The following DIS3L2 variants were observed in gnomAD, a reference collection of about 807,000 sequenced individuals.
The protein encoded by DIS3L2 is DIS3-like exonuclease 2.
A neutral mutation model predicts 97.5 loss-of-function variants in DIS3L2; 34 were observed. The observed-to-expected ratio is 0.35, with a 90% CI of 0.27 to 0.46. The LOEUF (loss-of-function observed/expected upper bound fraction) is 0.46. Among genes scored for constraint, DIS3L2 ranks in the 20% least tolerant of loss-of-function variants. The probability of loss-of-function intolerance (pLI) is 1.00; values close to 1 mark genes in which losing one functional copy is unlikely to be tolerated. For synonymous variants in DIS3L2, 435 were observed against 445.2 expected, an observed-to-expected ratio of 0.98 and a Z score of 0.29; for missense variants, 1,038 against 1,146.0, an observed-to-expected ratio of 0.91 and a Z score of 1.36.
chr2:232,073,177 G>T (rs1696086374), intron 5 of DIS3L2, among the ~76,000 whole-genome samples: 1 of 152,098 alleles, frequency 6.6e-6, no homozygotes, highest in Non-Finnish European at 1.5e-5. Context: ...ATTATCCTTT[G>T]TCCCGAGTGT....
At chr2:232,309,722 A>G (rs1695075651) in intron 14 of DIS3L2, among the ~76,000 whole-genome samples, 1 of 152,198 alleles carries the variant, frequency 6.6e-6, no homozygotes, top group South Asian at 2.1e-4. Context: ...CTGCTGGAGG[A>G]TCCTCACATC....
At chr2:231,968,595 TTAA>T (rs2106214666) in intron 1 of DIS3L2, among the ~76,000 whole-genome samples, 1 of 152,384 alleles carries the variant, frequency 6.6e-6, no homozygotes, top group Non-Finnish European at 1.5e-5. Context: ...CCTCAGTTTA[TTAA>T]TACATTTACC....
chr2:232,221,401 G>A (rs757389533), intron 10 of DIS3L2, among the ~76,000 whole-genome samples: 7 of 152,114 alleles, frequency 4.6e-5, no homozygotes, highest in African/African-American at 7.2e-5. Flanking sequence ...TTTCAGGAAG[G>A]GCATCCTTTT....
intron 6 of DIS3L2, among the ~76,000 whole-genome samples, chr2:232,110,124 A>G (rs1574882743): frequency 6.6e-6 from 1 of 152,362 alleles, no homozygotes; most frequent in South Asian, 2.1e-4. Flanking sequence ...TAATCATTAG[A>G]GAAATACAAA....
At chr2:232,342,544 T>A (rs896616895) in intron 13 of DIS3L2, among the ~76,000 whole-genome samples, 7 of 152,236 alleles carry the variant, frequency 4.6e-5, no homozygotes, top group African/African-American at 1.7e-4. Flanking sequence ...AATGTATTCA[T>A]GCTAATAGCA....
intron 1 of DIS3L2, among the ~76,000 whole-genome samples, chr2:231,988,615 C>G (rs971796896): frequency 6.6e-6 from 1 of 152,142 alleles, no homozygotes; most frequent in Non-Finnish European, 1.5e-5. Flanking sequence ...CAGGAGTGTT[C>G]TCCAAGACAT....
In DIS3L2 at chr2:232,276,847, C is replaced by T. The variant is rs1483153129; in HGVS notation, c.1659+13407C>T. On this transcript the variant is annotated intron_variant, in intron 13 of 20. Coordinates refer to ENST00000325385, the MANE Select transcript of DIS3L2 (RefSeq NM_152383.5). This position sits in a 1 kb window ranked among gnomAD's most constrained non-coding sequence, Gnocchi z 4.4. Reference sequence around the variant, plus strand: ...GGAATATTAGGTTAGATGAGATGTACCCGTAAAACACTTGGAACAGTGCCT... The same window carrying T: ...GGAATATTAGGTTAGATGAGATGTATCCGTAAAACACTTGGAACAGTGCCT... Among the ~76,000 whole-genome samples, 1 of 152,148 alleles carries T rather than the reference C, an allele frequency of 6.6e-6. No homozygotes were observed. The highest frequency in any genetic ancestry group is 1.5e-5 in the Non-Finnish European group (1 of 68,038).
chr2:232,045,758 T>A (rs965123327), intron 5 of DIS3L2, among the ~76,000 whole-genome samples: 1 of 134,542 alleles, frequency 7.4e-6, no homozygotes, highest in Non-Finnish European at 1.5e-5. Context: ...CACTGCAACC[T>A]CCACCTCCTG....
intron 14 of DIS3L2, among the ~76,000 whole-genome samples, chr2:232,310,147 G>C (rs971544373): frequency 1.3e-5 from 2 of 152,222 alleles, no homozygotes; most frequent in Non-Finnish European, 2.9e-5. Flanking sequence ...AGAGCCTCCA[G>C]GCCTCCCAGA....
intron 8 of DIS3L2, among the ~76,000 whole-genome samples, chr2:232,144,800 CT>C (rs1690171228): frequency 6.6e-6 from 1 of 152,176 alleles, no homozygotes; most frequent in African/African-American, 2.4e-5. Flanking sequence ...GAACTTTACA[CT>C]TTTAAAGAGT....
chr2:232,175,222 G>A (rs1370014518), intron 9 of DIS3L2, among the ~76,000 whole-genome samples: 1 of 152,130 alleles, frequency 6.6e-6, no homozygotes, highest in African/African-American at 2.4e-5. Flanking sequence ...GATTTATTGA[G>A]TGGTTTTCTC....
intron 10 of DIS3L2, among the ~76,000 whole-genome samples, chr2:232,236,672 C>G (rs903313775): frequency 2.6e-5 from 4 of 152,168 alleles, no homozygotes; most frequent in African/African-American, 9.7e-5. Context: ...TCAACTGAAG[C>G]AAATTCAGCA....
intron 9 of DIS3L2, among the ~76,000 whole-genome samples, chr2:232,172,236 C>T (rs1009984768): frequency 3.3e-5 from 5 of 152,174 alleles, no homozygotes; most frequent in East Asian, 3.8e-4. Flanking sequence ...ACCATCACCA[C>T]TATCTAATTC....
chr2:232,210,267 G>C, intron 9 of DIS3L2, 59 bp from the exon 10 acceptor site: 1 of 1,328,044 alleles, frequency 7.5e-7, no homozygotes, highest in African/African-American at 1.4e-5. Context: ...GCTGTACTAT[G>C]GTGGGGTAAA....
At chr2:232,135,776 G>C (rs926136992) in intron 7 of DIS3L2, among the ~76,000 whole-genome samples, 1 of 152,076 alleles carries the variant, frequency 6.6e-6, no homozygotes, top group Admixed American at 6.5e-5. Flanking sequence ...TTTGTTCAGG[G>C]GTCTGGTGGG....
intron 6 of DIS3L2, among the ~76,000 whole-genome samples, chr2:232,117,187 A>C (rs572514854): frequency 6.6e-6 from 1 of 152,216 alleles, no homozygotes; most frequent in Admixed American, 6.5e-5. Context: ...ACCCTGGTGT[A>C]GTGGGGCCAG....
chr2:232,090,809 C>T (rs1028657695), intron 6 of DIS3L2, among the ~76,000 whole-genome samples: 1 of 152,170 alleles, frequency 6.6e-6, no homozygotes, highest in Non-Finnish European at 1.5e-5. Context: ...AGCAAATGCT[C>T]TATATTGCAT....
chr2:232,200,286 A>T (rs1691854332), intron 9 of DIS3L2, among the ~76,000 whole-genome samples: 1 of 152,226 alleles, frequency 6.6e-6, no homozygotes, highest in Admixed American at 6.5e-5. Context: ...TCAAATATTA[A>T]CAATTTCATG....
chr2:232,266,179 A>G (rs1044689027), intron 13 of DIS3L2, among the ~76,000 whole-genome samples: 2 of 152,220 alleles, frequency 1.3e-5, no homozygotes, highest in African/African-American at 4.8e-5. Context: ...TCATATGAGG[A>G]TAGGGTATAG....
Sources: allele counts gnomAD v4.1 joint callset (sites outside exome capture counted in the v4.1 genomes callset), GRCh38; gene constraint gnomAD v4.1.1; non-coding constraint Gnocchi (gnomAD v3.1); transcripts MANE v1.5; gene names NCBI Gene and HGNC (gene_info 2026-07-23, HGNC 2026-07-21).